CCDC40: variants seen among roughly 807,000 people sequenced by gnomAD.
The protein encoded by CCDC40 is coiled-coil domain-containing protein 40.
Under a neutral mutation model 124.5 loss-of-function variants are expected in CCDC40, and 104 were observed. The ratio of observed to expected loss-of-function variants is 0.84; its 90% CI spans 0.71 to 0.98. The LOEUF is 0.98. Among genes scored for constraint, CCDC40 ranks in the 50% least tolerant of loss-of-function variants. The pLI, the probability that CCDC40 is intolerant of heterozygous loss-of-function variation, is 0.00. For missense variants in CCDC40, 1,463 were observed against 1,503.9 expected, an observed-to-expected ratio of 0.97 and a Z score of 0.45; for synonymous variants, 580 against 602.9, an observed-to-expected ratio of 0.96 and a Z score of 0.56.
chr17:80,049,760 A>T (rs1342506259), intron 5 of CCDC40, 146 bp from the exon 6 acceptor site: 3 of 721,806 alleles, frequency 4.2e-6, no homozygotes, highest in Non-Finnish European at 7.6e-6. Context: ...TTCCAGAGTA[A>T]GAATCCCAAG....
intron 1 of CCDC40, among the ~76,000 whole-genome samples, chr17:80,037,690 GATATACAT>G (rs1555889147): frequency 0.031 from 2,882 of 92,072 alleles, 183 homozygotes; most frequent in African/African-American, 0.1. Context: ...TTTTAAAAAA[GATATACAT>G]ATATATATAT....
Position 80,048,574 on chromosome 17 carries a change from T to C in CCDC40, c.677-9T>C. 6.2e-7 allele frequency: 1 copy of C among 1,609,292 alleles called. No homozygotes were observed. The highest frequency in any genetic ancestry group is 8.5e-7 in the Non-Finnish European group (1 of 1,176,628). On this transcript the variant is annotated splice_polypyrimidine_tract_variant and intron_variant, in intron 4 of 19. Coordinates refer to ENST00000397545, the MANE Select transcript of CCDC40 (RefSeq NM_017950.4). Reference sequence around the variant, plus strand: ...AGCTCCTCAATGGTGTCGCTGTCTCTCCCCCCAGTGATCCCCCCAGGGGTG... The same window carrying C: ...AGCTCCTCAATGGTGTCGCTGTCTCCCCCCCCAGTGATCCCCCCAGGGGTG...
chr17:80,038,899 T>G (rs1432417181), intron 2 of CCDC40, among the ~76,000 whole-genome samples: 2 of 152,244 alleles, frequency 1.3e-5, no homozygotes, highest in Non-Finnish European at 2.9e-5. Flanking sequence ...TATTGTATGA[T>G]GACATTATCT....
At chr17:80,046,407 C>T (rs2143601491) in intron 3 of CCDC40, among the ~76,000 whole-genome samples, 1 of 152,044 alleles carries the variant, frequency 6.6e-6, no homozygotes, top group East Asian at 1.9e-4. Flanking sequence ...GTGGTGTGCA[C>T]CTGTAATCCC....
Position 80,058,719 on chromosome 17 carries a change from T to C in CCDC40, c.1317+68T>C. The C allele has an allele frequency of 6.2e-7, 1 of 1,606,326 alleles. No homozygotes were observed. The highest frequency in any genetic ancestry group is 8.5e-7 in the Non-Finnish European group (1 of 1,173,116). Reference sequence around the variant, plus strand: ...TGGAGCTTCAAAAAGGGGCTCAGCTTTGCCTCCTGCGTGAAGGCTTCCGGC... The same window carrying C: ...TGGAGCTTCAAAAAGGGGCTCAGCTCTGCCTCCTGCGTGAAGGCTTCCGGC... On this transcript the variant is annotated intron_variant, in intron 8 of 19. Coordinates refer to ENST00000397545, the MANE Select transcript of CCDC40 (RefSeq NM_017950.4). The surrounding 1 kb of genome is among the most constrained non-coding windows in gnomAD (Gnocchi z 4.2).
chr17:80,074,873 A>G (rs1479176040), intron 10 of CCDC40, among the ~76,000 whole-genome samples: 2 of 152,156 alleles, frequency 1.3e-5, no homozygotes, highest in East Asian at 3.8e-4. Context: ...CAGACTCACC[A>G]TTCTAGATAA....
At chr17:80,096,510 C>A (rs939859316) in intron 18 of CCDC40, among the ~76,000 whole-genome samples, 15 of 152,106 alleles carry the variant, frequency 9.9e-5, no homozygotes, top group African/African-American at 3.6e-4. Flanking sequence ...GCTTCCTAGC[C>A]CGGCCCCTGA....
At chr17:80,091,760 T>G (rs2038727930) in intron 17 of CCDC40, among the ~76,000 whole-genome samples, 1 of 151,964 alleles carries the variant, frequency 6.6e-6, no homozygotes. Flanking sequence ...ATCACATCCT[T>G]CCTTACTGGT....
rs747199219 is a variant in CCDC40 at position 80,058,490 on chromosome 17, G to A, written c.1160-4G>A. 13 of 1,613,526 alleles carry A rather than the reference G, an allele frequency of 8.1e-6. No individual in the cohort carries two copies. Among genetic ancestry groups the A allele is most frequent in the East Asian group, 4.5e-5 (2 of 44,882 alleles). ...CTCTCTTTCTCCCCCGCCGCGCCCC[G>A]CAGTGGCGGCTCTGCAGACTGAGAT... On this transcript the variant is annotated splice_region_variant and splice_polypyrimidine_tract_variant and intron_variant, in intron 7 of 19. Transcript: ENST00000397545. This position sits in a 1 kb window ranked among gnomAD's most constrained non-coding sequence, Gnocchi z 4.2.
rs202075842 is a variant in CCDC40 at position 80,086,099 on chromosome 17, C to G, written c.2332C>G (p.Leu778Val). The G allele has an allele frequency of 1.2e-6, 2 of 1,614,036 alleles. No individual in the cohort carries two copies. Among genetic ancestry groups the G allele is most frequent in the Non-Finnish European group, 1.7e-6 (2 of 1,180,018 alleles). ...GKAVQAQVTWLRLQQEMVKVT... is the reference protein window; with the variant it reads ...GKAVQAQVTWVRLQQEMVKVT... ...GGCGGTCCAGGCCCAGGTGACCTGGCTGCGCCTGCAGCAGGAGATGGTCAA... is the reference window on the plus strand; with the variant it reads ...GGCGGTCCAGGCCCAGGTGACCTGGGTGCGCCTGCAGCAGGAGATGGTCAA... Residue 778 changes from leucine to valine, a missense_variant, in exon 14 of 20, where the codon CTG becomes GTG. Physicochemically the swap from Leu to Val is conservative, Grantham distance 32. Transcript: ENST00000397545. This position sits in a 1 kb window ranked among gnomAD's most constrained non-coding sequence, Gnocchi z 5.5.
intron 4 of CCDC40, chr17:80,048,316 C>T: frequency 2.0e-6 from 1 of 511,108 alleles, no homozygotes; most frequent in Non-Finnish European, 3.6e-6. Flanking sequence ...TCTGTTCACT[C>T]TTTATGTGTA....
At chr17:80,080,840 C>T (rs1317105411) in intron 10 of CCDC40, among the ~76,000 whole-genome samples, 1 of 152,030 alleles carries the variant, frequency 6.6e-6, no homozygotes, top group East Asian at 1.9e-4. Flanking sequence ...AGGAACAAGG[C>T]CCAGTGTTCA....
Position 80,099,865 on chromosome 17 carries a change from A to C in CCDC40, c.*90A>C. On this transcript the variant is annotated 3_prime_UTR_variant, in exon 20 of 20. Transcript: ENST00000397545. ...GGGACTTGGAATCTTTTGTGTTCCT[A>C]AAAACCACATGTACCCTCAGAAGGG... is the stretch of plus-strand genomic sequence containing the variant. The C allele has an allele frequency of 6.9e-7, 1 of 1,443,210 alleles. No individual in the cohort carries two copies. The highest frequency in any genetic ancestry group is 9.5e-7 in the Non-Finnish European group (1 of 1,048,044). The allele number at this position is 1,443,210 out of a possible 1,614,324, so 89.4% of individuals were successfully genotyped here. A position where few individuals can be genotyped will look rare whatever the true frequency, so the allele number is the denominator to read the frequency against.
chr17:80,094,370 C>T (rs933208232), intron 17 of CCDC40, among the ~76,000 whole-genome samples: 1 of 151,654 alleles, frequency 6.6e-6, no homozygotes, highest in Admixed American at 6.6e-5. Context: ...CGAGATTGTG[C>T]CATCGCACTC....
chr17:80,046,542 A>AATG (rs1431250095), intron 3 of CCDC40, among the ~76,000 whole-genome samples: 2 of 151,192 alleles, frequency 1.3e-5, no homozygotes, highest in Non-Finnish European at 2.9e-5. Flanking sequence ...CAATAATAAT[A>AATG]ATAATAATAA....
chr17:80,087,974 C>T lies in CCDC40; in HGVS notation c.2620-37C>T. 1 of 1,490,128 alleles carries T rather than the reference C, an allele frequency of 6.7e-7. No homozygotes were observed. Among genetic ancestry groups the T allele is most frequent in the Non-Finnish European group, 9.4e-7 (1 of 1,067,156 alleles). The allele number at this position is 1,490,128 out of a possible 1,614,324, so 92.3% of individuals were successfully genotyped here. On this transcript the variant is annotated intron_variant, in intron 15 of 19. Transcript: ENST00000397545. This position sits in a 1 kb window ranked among gnomAD's most constrained non-coding sequence, Gnocchi z 4.5. ...AGCCCCGGCATCCACAATCCCATGGCCCTCCCCACAGCTGTCCCGCCCCCT... is the reference window on the plus strand; with the variant it reads ...AGCCCCGGCATCCACAATCCCATGGTCCTCCCCACAGCTGTCCCGCCCCCT...
At chr17:80,060,506 GAAC>G (rs904913070) in intron 9 of CCDC40, among the ~76,000 whole-genome samples, 10 of 149,982 alleles carry the variant, frequency 6.7e-5, no homozygotes, top group East Asian at 1.9e-4. Context: ...AAAAAAAAAA[GAAC>G]AACAACACTT....
intron 10 of CCDC40, among the ~76,000 whole-genome samples, chr17:80,069,776 AAAAG>A (rs975884342): frequency 6.6e-5 from 10 of 152,084 alleles, no homozygotes; most frequent in East Asian, 3.9e-4. Flanking sequence ...AAAAAGAAAA[AAAAG>A]AGAGAGAGAG....
intron 10 of CCDC40, among the ~76,000 whole-genome samples, chr17:80,078,838 A>G (rs566190214): frequency 1.4e-4 from 21 of 152,230 alleles, no homozygotes; most frequent in South Asian, 4.1e-4. Flanking sequence ...CTGAAATTAC[A>G]TTGAATCCAT....
Sources: gnomAD v4.1 joint callset for allele counts (sites outside exome capture counted in the v4.1 genomes callset) on GRCh38, gnomAD v4.1.1 for gene constraint, Gnocchi (gnomAD v3.1) non-coding constraint, MANE v1.5 for transcripts, NCBI Gene and HGNC (gene_info 2026-07-23, HGNC 2026-07-21) for gene names.